The following SLC5A8 variants were observed in gnomAD, a reference collection of about 807,000 sequenced individuals.
SLC5A8 encodes sodium-coupled monocarboxylate transporter 1.
A neutral mutation model predicts 71.9 loss-of-function variants in SLC5A8; 55 were observed. That is an observed-to-expected ratio of 0.77 (90% CI 0.62 to 0.96). SLC5A8 has a LOEUF of 0.96. Among genes scored for constraint, SLC5A8 ranks in the 40% least tolerant of loss-of-function variants. The pLI is 0.00. For synonymous variants in SLC5A8, 307 were observed against 276.1 expected, an observed-to-expected ratio of 1.11 and a Z score of -1.11; for missense variants, 701 against 745.3, an observed-to-expected ratio of 0.94 and a Z score of 0.69.
chr12:101,169,882 A>G lies in SLC5A8; in HGVS notation c.1234-1700T>C, dbSNP rs1286106892. On this transcript the variant is annotated intron_variant, in intron 10 of 14. Coordinates refer to ENST00000536262, the MANE Select transcript of SLC5A8 (RefSeq NM_145913.5). ...CAGGCTATTCAGTAAAACAGACACT[A>G]AATAAATAACTGTAATACAGTTTGA... Among the ~76,000 whole-genome samples, 3 of 152,350 alleles carry G rather than the reference A, an allele frequency of 2.0e-5. No homozygotes were observed. The East Asian group carries it at 5.8e-4, about 29-fold the overall frequency.
intron 13 of SLC5A8, among the ~76,000 whole-genome samples, chr12:101,160,571 TAC>T (rs2051714822): frequency 6.6e-6 from 1 of 152,086 alleles, no homozygotes; most frequent in Non-Finnish European, 1.5e-5. Flanking sequence ...TATGGATGCA[TAC>T]ATGTGAGGGG....
In SLC5A8 at chr12:101,210,066, A is replaced by C. The variant is rs549874613; in HGVS notation, c.-218T>G. 232 of 483,712 alleles carry C rather than the reference A, an allele frequency of 4.8e-4. No homozygotes were observed. Among genetic ancestry groups the C allele is most frequent in the African/African-American group, 4.3e-3 (209 of 48,924 alleles). The allele number at this position is 483,712 out of a possible 1,614,324, so 30.0% of individuals were successfully genotyped here. On this transcript the variant is annotated 5_prime_UTR_variant, in exon 1 of 15. Transcript: ENST00000536262. ...CCGCCGCTGCGAGCCGCGCCCCTCA[A>C]ACCCAGGTATGGGACCTCGGAAAAT...
chr12:101,200,123 A>T (rs2625159), intron 3 of SLC5A8, among the ~76,000 whole-genome samples: 1 of 150,348 alleles, frequency 6.7e-6, no homozygotes, highest in African/African-American at 2.4e-5. Context: ...AGCAAAAGAA[A>T]CCAGACATGA....
At chr12:101,169,138 G>T (rs537117175) in intron 10 of SLC5A8, among the ~76,000 whole-genome samples, 72 of 152,260 alleles carry the variant, frequency 4.7e-4, no homozygotes, top group Middle Eastern at 3.4e-3. Flanking sequence ...CAGTCAGAAG[G>T]GAGATAGACT....
intron 3 of SLC5A8, among the ~76,000 whole-genome samples, chr12:101,196,913 T>C (rs1446337022): frequency 6.6e-6 from 1 of 152,178 alleles, no homozygotes; most frequent in Non-Finnish European, 1.5e-5. Context: ...GACTGAGGTA[T>C]TGGTATTTTT....
Position 101,209,480 on chromosome 12 carries a change from G to A in SLC5A8, c.351+18C>T. On this transcript the variant is annotated intron_variant, in intron 1 of 14. Transcript: ENST00000536262. ...TTCCCCCGCGCCCTGCATGGTCCCA[G>A]CCCACCCTGCCCCTTACCTCGTAGG... is the stretch of plus-strand genomic sequence containing the variant. 6.3e-5 allele frequency: 62 copies of A among 991,098 alleles called. No individual in the cohort carries two copies. The highest frequency in any genetic ancestry group is 1.8e-4 in the East Asian group (6 of 33,618). The allele number at this position is 991,098 out of a possible 1,614,324, so 61.4% of individuals were successfully genotyped here. A position where few individuals can be genotyped will look rare whatever the true frequency, so the allele number is the denominator to read the frequency against.
rs1397669473 is a variant in SLC5A8, at chr12:101,210,208, A to G, written c.-360T>C. On this transcript the variant is annotated 5_prime_UTR_variant, in exon 1 of 15. Coordinates refer to ENST00000536262, the MANE Select transcript of SLC5A8 (RefSeq NM_145913.5). ...GCCTCCAGCTGCTTCCAGCGAATCT[A>G]CACAGGGAGCGCTCTGGGCAGGTTT... 1.9e-5 allele frequency: 5 copies of G among 260,970 alleles called. No homozygotes were observed. 16.2% of individuals were successfully genotyped at this position (260,970 alleles called of 1,614,324 possible). A position where few individuals can be genotyped will look rare whatever the true frequency, so the allele number is the denominator to read the frequency against.
At chr12:101,158,360 T>C (rs1465242827) in intron 13 of SLC5A8, 32 bp from the exon 14 acceptor site, 1 of 1,425,078 alleles carries the variant, frequency 7.0e-7, no homozygotes, top group South Asian at 1.2e-5. Flanking sequence ...ACTTACGTTG[T>C]TAAAAAGGAC....
rs927807679 is a variant in SLC5A8, at chr12:101,210,118, C to A, written c.-270G>T. 2 of 433,598 alleles carry A rather than the reference C, an allele frequency of 4.6e-6. No individual in the cohort carries two copies. Among genetic ancestry groups the A allele is most frequent in the Non-Finnish European group, 8.1e-6 (2 of 248,292 alleles). 26.9% of individuals were successfully genotyped at this position (433,598 alleles called of 1,614,324 possible). Reference sequence around the variant, plus strand: ...GACCCGCTGCCCTGAGTGCTCACCACGTGAGGAACTGGAGTGGCCGAGTTC... The same window carrying A: ...GACCCGCTGCCCTGAGTGCTCACCAAGTGAGGAACTGGAGTGGCCGAGTTC... On this transcript the variant is annotated 5_prime_UTR_variant, in exon 1 of 15. Coordinates refer to ENST00000536262, the MANE Select transcript of SLC5A8 (RefSeq NM_145913.5).
At chr12:101,196,426 C>A (rs1869182000) in intron 3 of SLC5A8, among the ~76,000 whole-genome samples, 1 of 152,136 alleles carries the variant, frequency 6.6e-6, no homozygotes, top group Admixed American at 6.5e-5. Context: ...CAAAAAATTA[C>A]TCCTAGGAGA....
chr12:101,180,907 A>AT (rs900207026), intron 9 of SLC5A8, among the ~76,000 whole-genome samples: 2 of 151,994 alleles, frequency 1.3e-5, no homozygotes, highest in African/African-American at 4.8e-5. Flanking sequence ...ATTGTGGAAT[A>AT]TTTTTTTCTA....
At chr12:101,184,859 T>C (rs2137148392) in intron 7 of SLC5A8, among the ~76,000 whole-genome samples, 1 of 152,364 alleles carries the variant, frequency 6.6e-6, no homozygotes, top group East Asian at 1.9e-4. Flanking sequence ...TGATAACTTA[T>C]ATTTTAAAAA....
chr12:101,190,089 T>C (rs763383399), intron 6 of SLC5A8, among the ~76,000 whole-genome samples: 1 of 152,232 alleles, frequency 6.6e-6, no homozygotes, highest in Non-Finnish European at 1.5e-5. Flanking sequence ...TCTCTATTGC[T>C]ATATCATTTC....
rs180740128 is a variant in SLC5A8, at chr12:101,167,900, C to T, written c.1320+196G>A. On this transcript the variant is annotated intron_variant, in intron 11 of 14. Transcript: ENST00000536262. ...TTGCCCTATATGGTTCTGGAAGTTT[C>T]CATTGAGCTTCACACATTTAGGGTC... 2.8e-3 allele frequency among the ~76,000 whole-genome samples: 428 copies of T among 152,238 alleles called. 2 individuals are homozygous for T. Among genetic ancestry groups the T allele is most frequent in the South Asian group, 8.1e-3 (39 of 4,818 alleles).
At chr12:101,170,423 A>G (rs1035353707) in intron 10 of SLC5A8, among the ~76,000 whole-genome samples, 1 of 152,194 alleles carries the variant, frequency 6.6e-6, no homozygotes, top group Non-Finnish European at 1.5e-5. Context: ...GGTGCAAAGA[A>G]GGCAGCCCGC....
At chr12:101,188,231 G>A (rs1477249235) in intron 6 of SLC5A8, among the ~76,000 whole-genome samples, 1 of 152,110 alleles carries the variant, frequency 6.6e-6, no homozygotes, top group African/African-American at 2.4e-5. Context: ...AAATGAAACA[G>A]TATATTATCA....
Position 101,182,846 on chromosome 12 carries a change from T to C in SLC5A8, c.1122A>G (p.Arg374=), listed in dbSNP as rs1221128835. ...TVEDLIKPYF[R]SLSERSLSWI... ...AAGACAGAGACCTTTCTGAGAGCGA[T>C]CTGAAGTAAGGTTTGATTAGATCTT... Residue 374 remains arginine (R), a synonymous_variant, in exon 9 of 15, where the codon AGA becomes AGG. Transcript: ENST00000536262. The C allele has an allele frequency of 6.3e-7, 1 of 1,596,280 alleles. No homozygotes were observed.
Position 101,167,364 on chromosome 12 carries a change from A to G in SLC5A8, c.1321-665T>C, listed in dbSNP as rs78715865. Among the ~76,000 whole-genome samples, 648 of 152,294 alleles carry G rather than the reference A, an allele frequency of 4.3e-3. 5 individuals carry two copies. Among genetic ancestry groups the G allele is most frequent in the African/African-American group, 0.014 (590 of 41,580 alleles). On this transcript the variant is annotated intron_variant, in intron 11 of 14. Transcript: ENST00000536262. The stretch of plus-strand genomic sequence containing the variant: ...CAATTCCTAATGCCTTATAAGGAAA[A>G]TAGAATTCCAAATGTGAAGTCAGAG...
chr12:101,166,795 A>T, intron 11 of SLC5A8, 96 bp from the exon 12 acceptor site: 1 of 1,131,758 alleles, frequency 8.8e-7, no homozygotes, highest in Non-Finnish European at 1.2e-6. Flanking sequence ...GCACGAAATT[A>T]TAAAACTCAC....
Sources: allele counts gnomAD v4.1 joint callset (sites outside exome capture counted in the v4.1 genomes callset), GRCh38; gene constraint gnomAD v4.1.1; transcripts MANE v1.5; gene names NCBI Gene and HGNC (gene_info 2026-07-23, HGNC 2026-07-21).